SHLD2: variants seen among roughly 807,000 people sequenced by gnomAD.
SHLD2 encodes shieldin complex subunit 2.
Under a neutral mutation model 73.2 loss-of-function variants are expected in SHLD2, and 30 were observed. The ratio of observed to expected loss-of-function variants is 0.41; its 90% CI spans 0.31 to 0.56. The LOEUF is 0.56. SHLD2 is among the 20% of genes least tolerant of loss of function. The pLI is 0.28. For synonymous variants in SHLD2, 285 were observed against 370.1 expected (o/e 0.77, Z 2.64); for missense variants, 745 against 1,055.9 (o/e 0.71, Z 4.08).
intron 2 of SHLD2, among the ~76,000 whole-genome samples, chr10:87,104,471 C>T (rs112563247): frequency 8.5e-4 from 127 of 149,442 alleles, no homozygotes; most frequent in African/African-American, 3.0e-3. Context: ...CGCTTGAACC[C>T]GGGAGTGAGC....
chr10:87,131,929 A>G (rs1844458733), intron 2 of SHLD2, among the ~76,000 whole-genome samples: 1 of 152,142 alleles, frequency 6.6e-6, no homozygotes, highest in Non-Finnish European at 1.5e-5. Context: ...GTAAAGTGGT[A>G]TCTTTTTGTT....
chr10:87,158,046 A>G lies in SHLD2; in HGVS notation c.1526-2A>G. On this transcript the variant is annotated splice_acceptor_variant, in intron 3 of 9. Coordinates refer to ENST00000298786, the MANE Select transcript of SHLD2 (RefSeq NM_001330112.2). LOFTEE classifies it high-confidence loss of function. ...TGATCAGAACGTTTTTTCTCTCTCT[A>G]GATGTTGTTATTCATGAGGACCAAT... 1 of 1,610,660 alleles carries G rather than the reference A, an allele frequency of 6.2e-7. No individual in the cohort carries two copies.
chr10:87,105,697 A>G (rs531016087), intron 2 of SHLD2, among the ~76,000 whole-genome samples: 1 of 152,316 alleles, frequency 6.6e-6, no homozygotes, highest in Non-Finnish European at 1.5e-5. Flanking sequence ...AGTTTGTGAT[A>G]TCTTTCCTAA....
chr10:87,153,650 A>G (rs190634933), intron 3 of SHLD2, among the ~76,000 whole-genome samples: 1,906 of 152,202 alleles, frequency 0.013, 45 homozygotes, highest in African/African-American at 0.044. Flanking sequence ...ATAGAAGCTC[A>G]TATTTATTGG....
intron 4 of SHLD2, among the ~76,000 whole-genome samples, chr10:87,165,247 A>G (rs1211574819): frequency 6.6e-6 from 1 of 152,108 alleles, no homozygotes. Flanking sequence ...CAGAGATCAC[A>G]ATAATAAATA....
Position 87,143,634 on chromosome 10 carries a change from C to A in SHLD2, c.-5-7716C>A, listed in dbSNP as rs189006475. On this transcript the variant is annotated intron_variant, in intron 2 of 9. Coordinates refer to ENST00000298786, the MANE Select transcript of SHLD2 (RefSeq NM_001330112.2). ...GCAATGTTTCCCTTTACCTGTTAAT[C>A]CTGTTATAATATTTTAGATAAAGTG... Among the ~76,000 whole-genome samples, 1,168 of 152,022 alleles carry A rather than the reference C, an allele frequency of 7.7e-3. 17 individuals are homozygous for A. The highest frequency in any genetic ancestry group is 0.027 in the African/African-American group (1,123 of 41,428).
At chr10:87,110,194 T>C (rs1842833920) in intron 2 of SHLD2, among the ~76,000 whole-genome samples, 1 of 151,824 alleles carries the variant, frequency 6.6e-6, no homozygotes, top group African/African-American at 2.4e-5. Flanking sequence ...GAGACTGAGG[T>C]GGGAGGATCG....
intron 2 of SHLD2, among the ~76,000 whole-genome samples, chr10:87,103,759 G>A (rs1361917491): frequency 2.0e-5 from 3 of 152,092 alleles, no homozygotes; most frequent in Non-Finnish European, 4.4e-5. Flanking sequence ...CTAATTAATG[G>A]CAGTTACATC....
intron 8 of SHLD2, among the ~76,000 whole-genome samples, chr10:87,181,687 TGTA>T (rs1317052699): frequency 6.6e-6 from 1 of 151,938 alleles, no homozygotes; most frequent in Non-Finnish European, 1.5e-5. Context: ...ACATTAAAGA[TGTA>T]GTGCTAGTTT....
intron 2 of SHLD2, among the ~76,000 whole-genome samples, chr10:87,125,666 G>T (rs1423364521): frequency 1.3e-5 from 2 of 152,154 alleles, no homozygotes; most frequent in African/African-American, 4.8e-5. Flanking sequence ...GAACCCAAGA[G>T]GTGGAGGTTG....
chr10:87,188,015 C>G (rs1196667478), intron 9 of SHLD2, among the ~76,000 whole-genome samples: 1 of 152,162 alleles, frequency 6.6e-6, no homozygotes, highest in Non-Finnish European at 1.5e-5. Context: ...GCATAGCCCT[C>G]CACTCTGCAC....
chr10:87,161,683 G>A (rs1846828470), intron 4 of SHLD2, among the ~76,000 whole-genome samples: 1 of 152,174 alleles, frequency 6.6e-6, no homozygotes, highest in South Asian at 2.1e-4. Flanking sequence ...TTATAATGAT[G>A]TCAGTTCTTC....
intron 7 of SHLD2, among the ~76,000 whole-genome samples, chr10:87,178,051 C>T (rs979755900): frequency 7.3e-5 from 11 of 151,684 alleles, no homozygotes; most frequent in Middle Eastern, 3.4e-3. Context: ...GCCTGGCCAA[C>T]GTGGTGAAAC....
intron 1 of SHLD2, among the ~76,000 whole-genome samples, chr10:87,096,107 C>G (rs1020966715): frequency 6.6e-6 from 1 of 152,228 alleles, no homozygotes; most frequent in Non-Finnish European, 1.5e-5. Context: ...GTGGCACCAT[C>G]TCGGCTCACT....
chr10:87,153,740 T>C (rs1403549570), intron 3 of SHLD2, among the ~76,000 whole-genome samples: 1 of 152,170 alleles, frequency 6.6e-6, no homozygotes, highest in Non-Finnish European at 1.5e-5. Context: ...GTACTGATTT[T>C]TATCCCTACT....
rs770788063 is a variant in SHLD2, at chr10:87,151,362, G to T, written c.8G>T (p.Gly3Val). 1 of 1,540,726 alleles carries T rather than the reference G, an allele frequency of 6.5e-7. No individual in the cohort carries two copies. The highest frequency in any genetic ancestry group is 1.3e-5 in the South Asian group (1 of 79,004). The change falls in exon 3 of 10, where the codon GGA becomes GTA. Residue 3 changes from glycine (G) to valine (V), a missense_variant. Around this residue, in one of 5 missense-constraint regions of SHLD2, gnomAD observed 280 missense variants for 353.9 expected, o/e 0.79. Transcript: ENST00000298786. ...TCATTTTTATCAGAAATCATGAGTG[G>T]AGGATCTCAAGTCCACATTTTTTGG... MS[G>V]GSQVHIFWGA...
intron 2 of SHLD2, among the ~76,000 whole-genome samples, chr10:87,122,140 T>C (rs1354592170): frequency 4.0e-5 from 6 of 149,132 alleles, no homozygotes; most frequent in Admixed American, 1.3e-4. Flanking sequence ...TGGCTGGTTT[T>C]TTTTTTCCAT....
At chr10:87,179,229 C>G (rs1374545917) in intron 7 of SHLD2, among the ~76,000 whole-genome samples, 2 of 152,102 alleles carry the variant, frequency 1.3e-5, no homozygotes, top group Non-Finnish European at 2.9e-5. Flanking sequence ...TATGAATATG[C>G]TTGAGGTTTC....
At chr10:87,116,869 C>T (rs1015821706) in intron 2 of SHLD2, among the ~76,000 whole-genome samples, 6 of 152,168 alleles carry the variant, frequency 3.9e-5, no homozygotes, top group Middle Eastern at 3.4e-3. Flanking sequence ...GGTAAGGAGG[C>T]AAGATATTTC....
Sources: allele counts gnomAD v4.1 joint callset (sites outside exome capture counted in the v4.1 genomes callset), GRCh38; gene constraint gnomAD v4.1.1; regional missense constraint gnomAD v4.1.1; transcripts MANE v1.5; gene names NCBI Gene and HGNC (gene_info 2026-07-23, HGNC 2026-07-21).